Variants in SNAPC4 observed in about 807,000 individuals in gnomAD.
SNAPC4 encodes small nuclear RNA activating complex polypeptide 4.
A neutral mutation model predicts 151.3 loss-of-function variants in SNAPC4; 127 were observed. The observed-to-expected ratio is 0.84, with a 90% CI of 0.73 to 0.97. The LOEUF (loss-of-function observed/expected upper bound fraction) is 0.97, where lower values mean the gene tolerates loss of function less well. SNAPC4 is among the 50% of genes least tolerant of loss of function. SNAPC4 has a pLI of 0.00. For missense variants in SNAPC4, 2,186 were observed against 1,935.0 expected (o/e 1.13, Z -2.43); for synonymous variants, 1,002 against 824.4 (o/e 1.22, Z -3.69).
rs1300947445 is a variant in SNAPC4, at chr9:136,383,995, C to G, written c.1458G>C (p.Arg486=). Residue 486 remains arginine, a synonymous_variant, in exon 15 of 24, where the codon CGG becomes CGC. Transcript: ENST00000684778. The surrounding 1 kb of genome is among the most constrained non-coding windows in gnomAD (Gnocchi z 4.2). ...WAKIASELPH[R]SGSQCLSKWK... ...ACTTGCTCAGACACTGGGAGCCAGA[C>G]CGATGGGGCAGCTCAGAAGCTATTT... 1 of 1,613,830 alleles carries G rather than the reference C, an allele frequency of 6.2e-7. No individual in the cohort carries two copies. Among genetic ancestry groups the G allele is most frequent in the Non-Finnish European group, 8.5e-7 (1 of 1,179,984 alleles).
chr9:136,394,774 G>A lies in SNAPC4; in HGVS notation c.550+26C>T, dbSNP rs758783011. On this transcript the variant is annotated intron_variant, in intron 6 of 23. Transcript: ENST00000684778. ...GGGGAGGTGTCCCAAGCTCAGGGGT[G>A]CCGCAGGGCCGGCCAGGGCTCTTAC... 2.5e-6 allele frequency: 4 copies of A among 1,607,094 alleles called. No individual in the cohort carries two copies. In the East Asian group the frequency reaches 8.9e-5, roughly 36 times the overall value.
rs1833690820 is a variant in SNAPC4, at chr9:136,381,498, G to A, written c.2318-106C>T. On this transcript the variant is annotated intron_variant, in intron 18 of 23. Coordinates refer to ENST00000684778, the MANE Select transcript of SNAPC4 (RefSeq NM_003086.4). ...CCACGTGCCTTTCGAGGCGGCTCTG[G>A]GAGCCAGGCCAGGGTGGGAGGGGAG... The A allele has an allele frequency of 2.9e-6, 3 of 1,051,618 alleles. No individual in the cohort carries two copies. The South Asian group carries it at 4.1e-5, about 14-fold the overall frequency. The allele number at this position is 1,051,618 out of a possible 1,614,324, so 65.1% of individuals were successfully genotyped here.
intron 5 of SNAPC4, 35 bp from the exon 6 acceptor site, chr9:136,394,913 C>A: frequency 1.9e-6 from 3 of 1,571,848 alleles, no homozygotes; most frequent in African/African-American, 1.3e-5. Flanking sequence ...CAAGCACAGG[C>A]CACATGTGCT....
rs1234299874 is a variant in SNAPC4 at position 136,383,167 on chromosome 9, A to C, written c.1983+19T>G. On this transcript the variant is annotated intron_variant, in intron 16 of 23. Transcript: ENST00000684778. The surrounding 1 kb of genome is among the most constrained non-coding windows in gnomAD (Gnocchi z 4.2). ...GCCGAAAGTGCACTTCCCGTGGTAC[A>C]CCCAGGGCCGGGGCCTACCTCCAGG... is the stretch of plus-strand genomic sequence containing the variant. 4 of 1,517,494 alleles carry C rather than the reference A, an allele frequency of 2.6e-6. No individual in the cohort carries two copies. Among genetic ancestry groups the C allele is most frequent in the African/African-American group, 1.4e-5 (1 of 71,640 alleles). 94.0% of individuals were successfully genotyped at this position (1,517,494 alleles called of 1,614,324 possible).
chr9:136,378,051 AGGG>A lies in SNAPC4; in HGVS notation c.3773_3775del (p.Pro1258del). 1.3e-6 allele frequency: 2 copies of A among 1,578,472 alleles called. No individual in the cohort carries two copies. The highest frequency in any genetic ancestry group is 2.3e-5 in the South Asian group (2 of 87,788). ...CCCCTTCTCAGGCCCAGGCTGGGGT[AGGG>A]GCGGCTTCTCCAGGTCCAGGGCCCC... On this transcript the variant is annotated inframe_deletion, in exon 22 of 24. Transcript: ENST00000684778.
At position 136,378,095 on chromosome 9, in the gene SNAPC4, C is replaced by A. The variant is rs547438767; in HGVS notation, c.3732G>T (p.Gln1244His). 4.7e-5 allele frequency: 75 copies of A among 1,588,728 alleles called. 1 individual carries two copies. The African/African-American group carries it at 8.6e-4, about 18-fold the overall frequency. Residue 1244 changes from glutamine to histidine, a missense_variant, in exon 22 of 24, where the codon CAG becomes CAT. Coordinates refer to ENST00000684778, the MANE Select transcript of SNAPC4 (RefSeq NM_003086.4). ...CCAGGGCCCCCTTCTCAGGCCCAGG[C>A]TGGCGCAGGGGCAGCTTCTCCAGGC... ...PLGLEKLPLR[Q>H]PGPEKGALDL...
At chr9:136,385,423 G>A (rs924895719) in intron 13 of SNAPC4, among the ~76,000 whole-genome samples, 48 of 152,162 alleles carry the variant, frequency 3.2e-4, no homozygotes, top group Admixed American at 3.1e-3. Flanking sequence ...AATTTCACTC[G>A]CAGGATATAG....
At chr9:136,382,415 G>T (rs1290506359) in intron 16 of SNAPC4, 79 bp from the exon 17 acceptor site, 3 of 1,186,182 alleles carry the variant, frequency 2.5e-6, no homozygotes, top group African/African-American at 1.5e-5. Context: ...GCCCACACAC[G>T]ACTGCCTCTT....
rs1350075725 is a variant in SNAPC4, at chr9:136,383,475, A to G, written c.1694T>C (p.Met565Thr). The G allele has an allele frequency of 6.4e-7, 1 of 1,565,950 alleles. No individual in the cohort carries two copies. Among genetic ancestry groups the G allele is most frequent in the East Asian group, 2.4e-5 (1 of 41,918 alleles). Residue 565 changes from methionine to threonine, a missense_variant, in exon 16 of 24, where the codon ATG becomes ACG. Transcript: ENST00000684778. This position sits in a 1 kb window ranked among gnomAD's most constrained non-coding sequence, Gnocchi z 4.2. Reference sequence around the variant, plus strand: ...AACCCACAGGTCCATGTCCGGGACCATGTACTGTGGGGACAGCAGCGCTCT... The same window carrying G: ...AACCCACAGGTCCATGTCCGGGACCGTGTACTGTGGGGACAGCAGCGCTCT... ...GDRALLSPQY[M>T]VPDMDLWVPA...
In SNAPC4 at chr9:136,398,442, C is replaced by G. The variant is rs780716913; in HGVS notation, c.-9-5G>C. ...ATCTACATCCATGACTCCCGCCTGC[C>G]TCCAAAACACACCCCGAGATGTTAG... On this transcript the variant is annotated splice_region_variant and splice_polypyrimidine_tract_variant and intron_variant, in intron 1 of 23. Transcript: ENST00000684778. 1.5e-5 allele frequency: 24 copies of G among 1,609,362 alleles called. No individual in the cohort carries two copies. The highest frequency in any genetic ancestry group is 1.6e-4 in the Middle Eastern group (1 of 6,062).
chr9:136,378,636 C>T lies in SNAPC4; in HGVS notation c.3191G>A (p.Gly1064Glu), dbSNP rs781708367. The part of the protein sequence containing the change: ...PVQPLSLTHI[G>E]GPHVATSVPL... ...GACACTGGTCGCCACATGTGGCCCT[C>T]CTATGTGCGTCAGGCTGAGGGGCTG... Residue 1064 changes from glycine (G) to glutamate (E), a missense_variant, in exon 22 of 24, where the codon GGA becomes GAA. Gly to Glu is a moderately conservative substitution (Grantham distance 98). Transcript: ENST00000684778. The T allele has an allele frequency of 1.3e-6, 2 of 1,549,376 alleles. No homozygotes were observed. The highest frequency in any genetic ancestry group is 1.2e-5 in the South Asian group (1 of 82,486).
rs747134504 is a variant in SNAPC4 at position 136,394,260 on chromosome 9, G to A, written c.621C>T (p.Pro207=). 6.2e-7 allele frequency: 1 copy of A among 1,612,914 alleles called. No homozygotes were observed. The highest frequency in any genetic ancestry group is 1.1e-5 in the South Asian group (1 of 91,058). Reference sequence around the variant, plus strand: ...GGTTTTAGACTTACTTCAGTAACTTGGGCTGAAGCAATCGCTGCAGGCGGT... The same window carrying A: ...GGTTTTAGACTTACTTCAGTAACTTAGGCTGAAGCAATCGCTGCAGGCGGT... ...VSDRLQRLLQ[P]KLLKLEYLHQ... is the part of the protein sequence containing the mutation. Residue 207 remains proline, a synonymous_variant, in exon 7 of 24, where the codon CCC becomes CCT. Transcript: ENST00000684778.
At position 136,378,180 on chromosome 9, in the gene SNAPC4, G is replaced by C. The variant is rs768589720; in HGVS notation, c.3647C>G (p.Thr1216Ser). ...LPAFGGVIPATEPRGTPGSPS... is the reference protein window; with the variant it reads ...LPAFGGVIPASEPRGTPGSPS... ...GGACCCCGGCGTCCCCCTTGGCTCA[G>C]TTGCTGGGATGACACCACCGAAGGC... The change falls in exon 22 of 24, where the codon ACT becomes AGT. Residue 1216 changes from threonine (T) to serine (S), a missense_variant. Physicochemically the swap from Thr to Ser is moderately conservative, Grantham distance 58. Coordinates refer to ENST00000684778, the MANE Select transcript of SNAPC4 (RefSeq NM_003086.4). 1 of 1,611,994 alleles carries C rather than the reference G, an allele frequency of 6.2e-7. No individual in the cohort carries two copies. Among genetic ancestry groups the C allele is most frequent in the Admixed American group, 1.7e-5 (1 of 59,960 alleles).
At chr9:136,392,356 T>C (rs1351594393) in intron 9 of SNAPC4, among the ~76,000 whole-genome samples, 166 bp downstream of exon 9, 1 of 152,104 alleles carries the variant, frequency 6.6e-6, no homozygotes, top group Non-Finnish European at 1.5e-5. Context: ...GTGAGTCCAC[T>C]CGCCATTCCC....
At chr9:136,398,565 G>T (rs957781685) in intron 1 of SNAPC4, 128 bp from the exon 2 acceptor site, 1 of 1,059,856 alleles carries the variant, frequency 9.4e-7, no homozygotes. Context: ...GCTCCCCAGA[G>T]AAAGATTAAT....
At position 136,392,502 on chromosome 9, in the gene SNAPC4, C is replaced by A. The variant is rs202130375; in HGVS notation, c.810+20G>T. ...GCTGTGCTCCAAGCTGCTTGGGGCT[C>A]AGACCTGCCCCTGACTTACGTTAAT... On this transcript the variant is annotated intron_variant, in intron 9 of 23. Transcript: ENST00000684778. 8.2e-5 allele frequency: 132 copies of A among 1,612,118 alleles called. No homozygotes were observed. The highest frequency in any genetic ancestry group is 1.7e-4 in the Middle Eastern group (1 of 6,052).
At position 136,381,328 on chromosome 9, in the gene SNAPC4, A is replaced by C. The variant is rs146447917; in HGVS notation, c.2382T>G (p.Phe794Leu). Residue 794 changes from phenylalanine (F) to leucine (L), a missense_variant, in exon 19 of 24, where the codon TTT becomes TTG. By Grantham distance (22) the Phe-to-Leu change is conservative. Coordinates refer to ENST00000684778, the MANE Select transcript of SNAPC4 (RefSeq NM_003086.4). ...RLASTPVFTL[F>L]TQLFHIDTAG... ...CTCTGCCCAAGTAGCTTACCTGGGT[A>C]AACAGGGTAAACACAGGGGTGCTGG... is the stretch of plus-strand genomic sequence containing the variant. The C allele has an allele frequency of 5.6e-5, 91 of 1,612,178 alleles. No homozygotes were observed. In the African/African-American group the frequency reaches 1.2e-3, roughly 21 times the overall value.
At position 136,378,739 on chromosome 9, in the gene SNAPC4, C is replaced by CGGGGGCCTGAGACTGTCCGA; in HGVS notation, c.3068_3087dup (p.Ala1030SerfsTer38). The CGGGGGCCTGAGACTGTCCGA allele has an allele frequency of 6.6e-7, 1 of 1,515,420 alleles. No homozygotes were observed. The highest frequency in any genetic ancestry group is 1.3e-5 in the South Asian group (1 of 75,630). The allele number at this position is 1,515,420 out of a possible 1,614,324, so 93.9% of individuals were successfully genotyped here. A position where few individuals can be genotyped will look rare whatever the true frequency, so the allele number is the denominator to read the frequency against. ...GGCAGGCCCTGCTTCCGGGATGCAGCGGGGGCCTGAGACTGTCCGAGACCA... is the reference window on the plus strand; with the variant it reads ...GGCAGGCCCTGCTTCCGGGATGCAGCGGGGGCCTGAGACTGTCCGAGGGGGCCTGAGACTGTCCGAGACCA... On this transcript the variant is annotated frameshift_variant, in exon 22 of 24. Transcript: ENST00000684778. LOFTEE classifies it high-confidence loss of function.
At chr9:136,396,426 C>CT (rs1245465051) in intron 3 of SNAPC4, among the ~76,000 whole-genome samples, 1 of 152,028 alleles carries the variant, frequency 6.6e-6, no homozygotes, top group South Asian at 2.1e-4. Context: ...GTGTATTTTT[C>CT]TTTTTTTTGA....
Sources: allele counts gnomAD v4.1 joint callset (sites outside exome capture counted in the v4.1 genomes callset), GRCh38; gene constraint gnomAD v4.1.1; non-coding constraint Gnocchi (gnomAD v3.1); transcripts MANE v1.5; gene names NCBI Gene and HGNC (gene_info 2026-07-23, HGNC 2026-07-21).